BROX: variants seen among roughly 807,000 people sequenced by gnomAD.
The protein encoded by BROX is BRO1 domain and CAAX motif containing.
BROX carries 53 observed loss-of-function variants against 61.0 expected under a neutral mutation model. The ratio of observed to expected loss-of-function variants is 0.87; its 90% CI spans 0.70 to 1.09. BROX has a LOEUF of 1.09. Among genes scored for constraint, BROX ranks in the 50% least tolerant of loss-of-function variants. The pLI, the probability that BROX is intolerant of heterozygous loss-of-function variation, is 0.00. For missense variants in BROX, 489 were observed against 472.0 expected (o/e 1.04, Z -0.33); for synonymous variants, 152 against 160.2 (o/e 0.95, Z 0.38).
intron 7 of BROX, among the ~76,000 whole-genome samples, chr1:222,726,964 A>G (rs1403364346): frequency 6.6e-6 from 1 of 152,230 alleles, no homozygotes; most frequent in African/African-American, 2.4e-5. Flanking sequence ...CTGATGATTT[A>G]TTTAAAGAAA....
intron 8 of BROX, among the ~76,000 whole-genome samples, chr1:222,728,323 G>A (rs1214513033): frequency 6.6e-6 from 1 of 152,182 alleles, no homozygotes; most frequent in African/African-American, 2.4e-5. Flanking sequence ...GTGAATGTGT[G>A]TGTGTTTCAC....
chr1:222,714,569 G>GTT (rs202187300), intron 1 of BROX, among the ~76,000 whole-genome samples: 8 of 144,976 alleles, frequency 5.5e-5, no homozygotes, highest in East Asian at 2.0e-4. Context: ...GGTGTTCCAA[G>GTT]TTTTTGTTTT....
In BROX at chr1:222,719,285, A is replaced by C; in HGVS notation, c.231A>C (p.Glu77Asp). The part of the protein sequence containing the change: ...LLQGFINSLD[E>D]STQESKLRYI... Reference sequence around the variant, plus strand: ...TAGGTTTCATAAATTCTTTGGATGAATCTACCCAAGAAAGCAAGTTACGAT... The same window carrying C: ...TAGGTTTCATAAATTCTTTGGATGACTCTACCCAAGAAAGCAAGTTACGAT... The change falls in exon 4 of 13, where the codon GAA (glutamate) becomes GAC (aspartate). Residue 77 changes from glutamate to aspartate, a missense_variant. Physicochemically the swap from Glu to Asp is conservative, Grantham distance 45 (BLOSUM62 2). Coordinates refer to ENST00000340934, the MANE Select transcript of BROX (RefSeq NM_144695.4). 1.3e-6 allele frequency: 2 copies of C among 1,599,192 alleles called. No individual in the cohort carries two copies. The highest frequency in any genetic ancestry group is 1.7e-6 in the Non-Finnish European group (2 of 1,166,590).
At chr1:222,725,875 C>G (rs576106870) in intron 7 of BROX, among the ~76,000 whole-genome samples, 7 of 152,278 alleles carry the variant, frequency 4.6e-5, no homozygotes, top group African/African-American at 1.7e-4. Context: ...CGTGCCACTG[C>G]ACTTCACCCT....
chr1:222,729,650 G>C lies in BROX; in HGVS notation c.787G>C (p.Ala263Pro). The change falls in exon 10 of 13, where the codon GCT (alanine) becomes CCT (proline). Residue 263 changes from alanine to proline, a missense_variant. Transcript: ENST00000340934. ...CTGTTACCATGGTGAGACTTTATTG[G>C]CTAGTGATAAATGCGGTGAAGCAAT... The part of the protein sequence containing the change: ...AYCYHGETLL[A>P]SDKCGEAIRS... 1.2e-6 allele frequency: 2 copies of C among 1,612,632 alleles called. No individual in the cohort carries two copies. Among genetic ancestry groups the C allele is most frequent in the Non-Finnish European group, 1.7e-6 (2 of 1,179,004 alleles).
In BROX at chr1:222,732,732, GAATTT is replaced by G; in HGVS notation, c.*19_*23del. On this transcript the variant is annotated 3_prime_UTR_variant, in exon 13 of 13. Coordinates refer to ENST00000340934, the MANE Select transcript of BROX (RefSeq NM_144695.4). ...TCTCCTAAAATACAACTTGCACTTAGAATTTCTCTAGCAGTAAATAAGATAAACCA... is the reference window on the plus strand; with the variant it reads ...TCTCCTAAAATACAACTTGCACTTAGCTCTAGCAGTAAATAAGATAAACCA... The G allele has an allele frequency of 6.4e-7, 1 of 1,572,168 alleles. No homozygotes were observed. Among genetic ancestry groups the G allele is most frequent in the Non-Finnish European group, 8.7e-7 (1 of 1,146,496 alleles).
chr1:222,719,371 TA>T lies in BROX; in HGVS notation c.305+15del. On this transcript the variant is annotated intron_variant, in intron 4 of 12. Coordinates refer to ENST00000340934, the MANE Select transcript of BROX (RefSeq NM_144695.4). Reference sequence around the variant, plus strand: ...GGACAGGTTCCAAGGTAAGCAACACTAAAGTAATACTAAATTGGAGCCAGTT... The same window carrying T: ...GGACAGGTTCCAAGGTAAGCAACACTAAGTAATACTAAATTGGAGCCAGTT... 6.4e-7 allele frequency: 1 copy of T among 1,564,554 alleles called. No homozygotes were observed. Among genetic ancestry groups the T allele is most frequent in the South Asian group, 1.1e-5 (1 of 89,528 alleles).
chr1:222,712,704 A>C lies in BROX; in HGVS notation c.-255A>C. 7.7e-7 allele frequency: 1 copy of C among 1,291,684 alleles called. No individual in the cohort carries two copies. Among genetic ancestry groups the C allele is most frequent in the Non-Finnish European group, 1.0e-6 (1 of 990,290 alleles). The allele number at this position is 1,291,684 out of a possible 1,614,324, so 80.0% of individuals were successfully genotyped here. ...AGAAGTTAGAAAGGGATGATGAACG[A>C]AGCGTTTTGAGGGGACTGCAACGCC... On this transcript the variant is annotated 5_prime_UTR_variant, in exon 1 of 13. Coordinates refer to ENST00000340934, the MANE Select transcript of BROX (RefSeq NM_144695.4).
At chr1:222,729,781 G>A in intron 10 of BROX, 80 bp downstream of exon 10, 1 of 1,379,156 alleles carries the variant, frequency 7.3e-7, no homozygotes, top group South Asian at 1.3e-5. Context: ...TGCTTAAAGA[G>A]ATTTTGGCTG....
At chr1:222,713,158 C>G in intron 1 of BROX, 1 of 978,802 alleles carries the variant, frequency 1.0e-6, no homozygotes, top group Non-Finnish European at 1.2e-6. Flanking sequence ...CGCTGAATCC[C>G]CTTGCCCCGC....
chr1:222,716,986 A>C (rs921332063), intron 2 of BROX, among the ~76,000 whole-genome samples: 4 of 152,220 alleles, frequency 2.6e-5, no homozygotes, highest in Non-Finnish European at 5.9e-5. Flanking sequence ...TGATTAAGAC[A>C]TTGGTGGTAC....
rs987895961 is a variant in BROX at position 222,714,110 on chromosome 1, C to G, written c.-17+1168C>G. On this transcript the variant is annotated intron_variant, in intron 1 of 12. Transcript: ENST00000340934. ...CCTTATCAGAATTTTTTCTCAGTTA[C>G]TTCCTGGAATCTAATTGCCATGTTT... 5.3e-5 allele frequency: 8 copies of G among 152,142 alleles called. No homozygotes were observed. In the South Asian group the frequency reaches 1.7e-3, roughly 32 times the overall value. The allele number at this position is 152,142 out of a possible 1,614,324, so 9.4% of individuals were successfully genotyped here. A position where few individuals can be genotyped will look rare whatever the true frequency, so the allele number is the denominator to read the frequency against.
At chr1:222,731,732 C>A (rs575941501) in intron 12 of BROX, among the ~76,000 whole-genome samples, 1 of 152,312 alleles carries the variant, frequency 6.6e-6, no homozygotes, top group South Asian at 2.1e-4. Flanking sequence ...TAATGACATT[C>A]TTTTCAACAC....
chr1:222,730,749 A>G (rs915227369), intron 11 of BROX, among the ~76,000 whole-genome samples: 1 of 152,204 alleles, frequency 6.6e-6, no homozygotes, highest in Non-Finnish European at 1.5e-5. Flanking sequence ...TAACTTCATT[A>G]GGACACTCAC....
intron 2 of BROX, among the ~76,000 whole-genome samples, chr1:222,716,325 C>T (rs553970685): frequency 5.3e-5 from 8 of 152,292 alleles, no homozygotes; most frequent in African/African-American, 1.9e-4. Flanking sequence ...TCTCAAACTC[C>T]TGACCTCAAG....
chr1:222,725,177 A>G (rs1657408599), intron 6 of BROX, among the ~76,000 whole-genome samples: 1 of 152,228 alleles, frequency 6.6e-6, no homozygotes, highest in Non-Finnish European at 1.5e-5. Flanking sequence ...ACATTTTTCA[A>G]GATGATAGTG....
At chr1:222,732,442 A>T (rs1658012725) in intron 12 of BROX, among the ~76,000 whole-genome samples, 186 bp from the exon 13 acceptor site, 1 of 152,152 alleles carries the variant, frequency 6.6e-6, no homozygotes, top group African/African-American at 2.4e-5. Flanking sequence ...TTTCATCTCT[A>T]CTGAAATGTT....
At chr1:222,731,141 T>C (rs993854221) in intron 11 of BROX, among the ~76,000 whole-genome samples, 1 of 152,218 alleles carries the variant, frequency 6.6e-6, no homozygotes, top group Non-Finnish European at 1.5e-5. Flanking sequence ...TTAATTCCCC[T>C]TGTCTGCATT....
chr1:222,724,919 G>A (rs1171256265), intron 6 of BROX, among the ~76,000 whole-genome samples: 4 of 151,876 alleles, frequency 2.6e-5, no homozygotes, highest in African/African-American at 4.8e-5. Flanking sequence ...TCAGCCTCCC[G>A]AGTAGCTGGG....
Sources: gnomAD v4.1 joint callset for allele counts (sites outside exome capture counted in the v4.1 genomes callset) on GRCh38, gnomAD v4.1.1 for gene constraint, MANE v1.5 for transcripts, NCBI Gene and HGNC (gene_info 2026-07-23, HGNC 2026-07-21) for gene names.